The following NOX4 variants were observed in gnomAD, a reference collection of about 807,000 sequenced individuals.
NOX4 encodes kidney oxidase-1.
A neutral mutation model predicts 87.6 loss-of-function variants in NOX4; 69 were observed. The ratio of observed to expected loss-of-function variants is 0.79; its 90% CI spans 0.65 to 0.96. The LOEUF is 0.96. Ranked by LOEUF, NOX4 falls within the 40% of genes least tolerant of loss-of-function variation. NOX4 has a pLI of 0.00. For synonymous variants in NOX4, 275 were observed against 238.2 expected, an observed-to-expected ratio of 1.15 and a Z score of -1.42; for missense variants, 680 against 681.5, an observed-to-expected ratio of 1.00 and a Z score of 0.02.
intron 7 of NOX4, among the ~76,000 whole-genome samples, chr11:89,424,922 A>G (rs1419698885): frequency 2.0e-5 from 3 of 152,138 alleles, no homozygotes; most frequent in Non-Finnish European, 4.4e-5. Flanking sequence ...GAATTTCATG[A>G]TTCTAACAAT....
At chr11:89,398,245 G>T (rs774096234) in intron 11 of NOX4, among the ~76,000 whole-genome samples, 1 of 151,956 alleles carries the variant, frequency 6.6e-6, no homozygotes, top group African/African-American at 2.4e-5. Flanking sequence ...ATGCAGAAAA[G>T]GCCTTCAACA....
chr11:89,402,995 G>A (rs1941964715), intron 8 of NOX4, among the ~76,000 whole-genome samples: 1 of 152,174 alleles, frequency 6.6e-6, no homozygotes, highest in African/African-American at 2.4e-5. Context: ...AAGCCTTGCT[G>A]ATTTGCAGAG....
intron 11 of NOX4, among the ~76,000 whole-genome samples, chr11:89,391,632 G>A (rs1201497589): frequency 1.3e-5 from 2 of 151,136 alleles, no homozygotes; most frequent in Non-Finnish European, 2.9e-5. Flanking sequence ...GGTGCCATGT[G>A]CCTGTAGTCC....
intron 8 of NOX4, among the ~76,000 whole-genome samples, chr11:89,406,978 C>T (rs1942221388): frequency 6.6e-6 from 1 of 151,950 alleles, no homozygotes; most frequent in African/African-American, 2.4e-5. Flanking sequence ...GAATGGCATT[C>T]CAATATGAGG....
intron 11 of NOX4, among the ~76,000 whole-genome samples, chr11:89,388,568 G>A (rs1002074599): frequency 3.9e-5 from 6 of 152,110 alleles, no homozygotes; most frequent in East Asian, 1.9e-4. Flanking sequence ...TTAGTCAATC[G>A]TTATTGACTG....
chr11:89,471,586 T>C (rs990738395), intron 2 of NOX4, among the ~76,000 whole-genome samples: 1 of 152,210 alleles, frequency 6.6e-6, no homozygotes, highest in Non-Finnish European at 1.5e-5. Context: ...ACTAGGTTCA[T>C]ATCATTAATA....
intron 7 of NOX4, among the ~76,000 whole-genome samples, chr11:89,423,535 A>C (rs1943204009): frequency 1.3e-5 from 2 of 152,070 alleles, no homozygotes; most frequent in African/African-American, 4.8e-5. Context: ...CCTTGGTTCA[A>C]TGTGTTAGTC....
chr11:89,526,753 C>T, the NOX4 span, among the ~76,000 whole-genome samples: 2 of 152,072 alleles, frequency 1.3e-5, no homozygotes, highest in Admixed American at 6.6e-5. Flanking sequence ...TGAGGCCTCC[C>T]GAGCCATGCT....
At chr11:89,334,829 T>C (rs1035078722) in intron 17 of NOX4, among the ~76,000 whole-genome samples, 26 of 151,728 alleles carry the variant, frequency 1.7e-4, no homozygotes, top group Admixed American at 1.6e-3. Context: ...TGATTAGGAT[T>C]AGGTTAGCAA....
At chr11:89,500,371 G>A (rs1248713995), upstream of NOX4, among the ~76,000 whole-genome samples, 1 of 152,006 alleles carries the variant, frequency 6.6e-6, no homozygotes, top group Non-Finnish European at 1.5e-5. Flanking sequence ...TTATTATATG[G>A]TGATGCAATT....
intron 12 of NOX4, among the ~76,000 whole-genome samples, chr11:89,363,612 TG>T (rs1431399507): frequency 2.0e-5 from 3 of 152,100 alleles, no homozygotes; most frequent in African/African-American, 7.2e-5. Context: ...AAGAAATTAA[TG>T]GTTTGTCAAA....
At chr11:89,572,866 T>G in the NOX4 span, among the ~76,000 whole-genome samples, 1 of 152,310 alleles carries the variant, frequency 6.6e-6, no homozygotes, top group African/African-American at 2.4e-5. Context: ...AGTATTTGGC[T>G]TTAAATCTAC....
Position 89,337,489 on chromosome 11 carries a change from A to T in NOX4, c.1473T>A (p.Tyr491Ter). Residue 491 changes from tyrosine to a stop codon, truncating the protein, a stop_gained, in exon 16 of 18, where the codon TAT becomes TAA. Transcript: ENST00000263317. LOFTEE classifies it high-confidence loss of function. The stretch of plus-strand genomic sequence containing the variant: ...GACTGAGGTACAGCTGGATGTTGAC[A>T]TAGTCAGGTCTGTTCTCTTGCCAAA... The part of the protein sequence containing the change: ...NKFWQENRPD[Y>*]VNIQLYLSQT... The T allele has an allele frequency of 6.2e-7, 1 of 1,612,388 alleles. No homozygotes were observed. Among genetic ancestry groups the T allele is most frequent in the Non-Finnish European group, 8.5e-7 (1 of 1,178,864 alleles).
chr11:89,411,523 G>A (rs1942476340), intron 8 of NOX4, among the ~76,000 whole-genome samples: 1 of 152,134 alleles, frequency 6.6e-6, no homozygotes, highest in Admixed American at 6.5e-5. Context: ...AAGCCTGGAA[G>A]CATTCACTAC....
the NOX4 span, among the ~76,000 whole-genome samples, chr11:89,532,497 A>G: frequency 6.6e-6 from 1 of 151,972 alleles, no homozygotes; most frequent in African/African-American, 2.4e-5. Context: ...CAAGGCCTGT[A>G]CCTCCATTTT....
At chr11:89,338,353 C>T (rs1269484844) in intron 15 of NOX4, among the ~76,000 whole-genome samples, 1 of 151,980 alleles carries the variant, frequency 6.6e-6, no homozygotes, top group Non-Finnish European at 1.5e-5. Context: ...AATAGTTATG[C>T]ATTGTATGTG....
At chr11:89,391,407 G>T (rs1334030779) in intron 11 of NOX4, among the ~76,000 whole-genome samples, 7 of 152,012 alleles carry the variant, frequency 4.6e-5, no homozygotes, top group African/African-American at 7.2e-5. Flanking sequence ...TGTTTCCCAG[G>T]GTGAGACCCA....
intron 2 of NOX4, among the ~76,000 whole-genome samples, chr11:89,482,513 T>G (rs141598080): frequency 3.9e-5 from 6 of 152,006 alleles, no homozygotes; most frequent in African/African-American, 1.4e-4. Context: ...TACAAAGACA[T>G]TGGAAGAAGA....
the NOX4 span, among the ~76,000 whole-genome samples, chr11:89,580,394 C>T: frequency 6.6e-6 from 1 of 152,100 alleles, no homozygotes; most frequent in South Asian, 2.1e-4. Context: ...GTTGCCCAGG[C>T]TAGTCTCGAA....
Sources: gnomAD v4.1 joint callset for allele counts (sites outside exome capture counted in the v4.1 genomes callset) on GRCh38, gnomAD v4.1.1 for gene constraint, MANE v1.5 for transcripts, NCBI Gene and HGNC (gene_info 2026-07-23, HGNC 2026-07-21) for gene names.